RPS6KC1: variants seen among roughly 807,000 people sequenced by gnomAD.
RPS6KC1 encodes ribosomal protein S6 kinase C1.
A neutral mutation model predicts 103.8 loss-of-function variants in RPS6KC1; 54 were observed. The ratio of observed to expected loss-of-function variants is 0.52; its 90% CI spans 0.42 to 0.65. The LOEUF is 0.65. Among genes scored for constraint, RPS6KC1 ranks in the 30% least tolerant of loss-of-function variants. RPS6KC1 has a pLI of 0.00. For missense variants in RPS6KC1, 1,151 were observed against 1,253.8 expected (o/e 0.92, Z 1.24); for synonymous variants, 439 against 438.7 (o/e 1.00, Z -0.01).
chr1:213,850,973 G>C, the RPS6KC1 span, among the ~76,000 whole-genome samples: 1 of 151,996 alleles, frequency 6.6e-6, no homozygotes. Flanking sequence ...AGGTACAGGG[G>C]ACTCCATGGA....
At chr1:213,805,506 G>T in the RPS6KC1 span, among the ~76,000 whole-genome samples, 33 of 152,092 alleles carry the variant, frequency 2.2e-4, no homozygotes, top group Non-Finnish European at 2.9e-5. Flanking sequence ...GCAACTCCTC[G>T]TCCATTCAAA....
At chr1:213,693,967 C>A in the RPS6KC1 span, among the ~76,000 whole-genome samples, 3 of 152,220 alleles carry the variant, frequency 2.0e-5, no homozygotes, top group Admixed American at 2.0e-4. Flanking sequence ...CCCTGGCCCT[C>A]GGTTCAATGG....
intron 8 of RPS6KC1, among the ~76,000 whole-genome samples, chr1:213,183,905 C>T (rs548364511): frequency 1.3e-5 from 2 of 152,074 alleles, no homozygotes; most frequent in South Asian, 4.2e-4. Flanking sequence ...AGAGAATACA[C>T]CAATTATTAC....
At chr1:213,469,777 G>T in the RPS6KC1 span, among the ~76,000 whole-genome samples, 1 of 152,284 alleles carries the variant, frequency 6.6e-6, no homozygotes, top group Non-Finnish European at 1.5e-5. Context: ...TTGTCTTTGG[G>T]AGGCCAAGGC....
At chr1:213,697,481 C>T in the RPS6KC1 span, among the ~76,000 whole-genome samples, 1 of 152,220 alleles carries the variant, frequency 6.6e-6, no homozygotes, top group Non-Finnish European at 1.5e-5. Flanking sequence ...ACTGTATCTT[C>T]TGTCTCCTGT....
At chr1:213,622,720 G>A in the RPS6KC1 span, among the ~76,000 whole-genome samples, 2 of 152,118 alleles carry the variant, frequency 1.3e-5, no homozygotes, top group East Asian at 1.9e-4. Flanking sequence ...TAGAAGGGAC[G>A]GGGCTGGGAA....
At chr1:213,099,277 AT>A (rs1018882865) in intron 3 of RPS6KC1, among the ~76,000 whole-genome samples, 2 of 151,966 alleles carry the variant, frequency 1.3e-5, no homozygotes, top group African/African-American at 4.8e-5. Flanking sequence ...TACGAGTACT[AT>A]TTTTTTCTTT....
the RPS6KC1 span, among the ~76,000 whole-genome samples, chr1:213,710,508 A>C: frequency 7.1e-3 from 1,080 of 152,184 alleles, 13 homozygotes; most frequent in African/African-American, 0.025. Flanking sequence ...CATTTAGTCC[A>C]TTTGCATTTA....
At chr1:213,728,940 T>TG in the RPS6KC1 span, among the ~76,000 whole-genome samples, 1 of 96,312 alleles carries the variant, frequency 1.0e-5, no homozygotes, top group Non-Finnish European at 2.0e-5. Context: ...CATGAGGGTT[T>TG]TTTTTTTGTT....
At chr1:213,693,061 A>G in the RPS6KC1 span, among the ~76,000 whole-genome samples, 2 of 152,304 alleles carry the variant, frequency 1.3e-5, no homozygotes, top group Non-Finnish European at 2.9e-5. Context: ...AAAGACAAAC[A>G]AGAAAAAAAC....
At chr1:213,336,446 A>G in the RPS6KC1 span, among the ~76,000 whole-genome samples, 5 of 152,224 alleles carry the variant, frequency 3.3e-5, no homozygotes, top group African/African-American at 1.2e-4. Context: ...GAGGCTGCTC[A>G]GTACATATTT....
At chr1:213,599,887 C>T in the RPS6KC1 span, among the ~76,000 whole-genome samples, 1 of 152,168 alleles carries the variant, frequency 6.6e-6, no homozygotes, top group African/African-American at 2.4e-5. Context: ...TGGGGTGAAG[C>T]ATGCGGACAT....
At chr1:213,606,053 G>A in the RPS6KC1 span, among the ~76,000 whole-genome samples, 721 of 152,272 alleles carry the variant, frequency 4.7e-3, 15 homozygotes, top group Admixed American at 0.021. Flanking sequence ...CGGTGGCAGC[G>A]CCCCTTCTGA....
At chr1:213,070,112 T>C (rs1469582961) in intron 1 of RPS6KC1, among the ~76,000 whole-genome samples, 3 of 152,232 alleles carry the variant, frequency 2.0e-5, no homozygotes, top group African/African-American at 7.2e-5. Flanking sequence ...TTACTTCTCA[T>C]ACTTCTCACA....
At chr1:213,599,965 C>A in the RPS6KC1 span, among the ~76,000 whole-genome samples, 1 of 152,284 alleles carries the variant, frequency 6.6e-6, no homozygotes, top group Non-Finnish European at 1.5e-5. Flanking sequence ...AGGGAGGGAC[C>A]TGTAATCCCC....
chr1:213,835,242 G>A, the RPS6KC1 span, among the ~76,000 whole-genome samples: 1 of 152,230 alleles, frequency 6.6e-6, no homozygotes, highest in African/African-American at 2.4e-5. Flanking sequence ...AAGCCAGTGT[G>A]GCTGAAGTCT....
At chr1:213,405,300 A>G in the RPS6KC1 span, among the ~76,000 whole-genome samples, 1 of 152,254 alleles carries the variant, frequency 6.6e-6, no homozygotes, top group African/African-American at 2.4e-5. Context: ...CCCTGGCTCG[A>G]ATCCGCTGAA....
chr1:213,635,273 G>A, the RPS6KC1 span, among the ~76,000 whole-genome samples: 9 of 152,194 alleles, frequency 5.9e-5, no homozygotes, highest in East Asian at 3.9e-4. Context: ...CTCATTTTAC[G>A]ACGCCAGCAT....
chr1:213,469,139 T>C, the RPS6KC1 span, among the ~76,000 whole-genome samples: 1 of 152,208 alleles, frequency 6.6e-6, no homozygotes, highest in African/African-American at 2.4e-5. Flanking sequence ...GGCAGGGACT[T>C]TCTTATTCCA....
Sources: allele counts gnomAD v4.1 joint callset (sites outside exome capture counted in the v4.1 genomes callset), GRCh38; gene constraint gnomAD v4.1.1; transcripts MANE v1.5; gene names NCBI Gene and HGNC (gene_info 2026-07-23, HGNC 2026-07-21).